The following CDC27 variants were observed in gnomAD, a reference collection of about 807,000 sequenced individuals.
The protein encoded by CDC27 is cell division cycle 27.
CDC27 carries 27 observed loss-of-function variants against 109.7 expected under a neutral mutation model. The observed-to-expected ratio is 0.25, with a 90% CI of 0.18 to 0.34. CDC27 has a LOEUF of 0.34. Among genes scored for constraint, CDC27 ranks in the 10% least tolerant of loss-of-function variants. The probability of loss-of-function intolerance (pLI) is 1.00; values close to 1 mark genes in which losing one functional copy is unlikely to be tolerated. For missense variants in CDC27, 579 were observed against 960.2 expected, an observed-to-expected ratio of 0.60 and a Z score of 5.25; for synonymous variants, 266 against 333.9, an observed-to-expected ratio of 0.80 and a Z score of 2.22.
At chr17:47,151,398 T>C (rs1223538497) in intron 9 of CDC27, among the ~76,000 whole-genome samples, 2 of 152,218 alleles carry the variant, frequency 1.3e-5, no homozygotes, top group African/African-American at 4.8e-5. Flanking sequence ...GAAAAGAAAA[T>C]CCTATCTAAC....
chr17:47,173,300 T>G (rs1469344290), intron 2 of CDC27, among the ~76,000 whole-genome samples: 1 of 151,304 alleles, frequency 6.6e-6, no homozygotes, highest in African/African-American at 2.4e-5. Context: ...TAAAAAATAA[T>G]AAATAGTAAA....
intron 9 of CDC27, among the ~76,000 whole-genome samples, chr17:47,147,267 C>T (rs921953719): frequency 2.6e-5 from 4 of 151,386 alleles, no homozygotes; most frequent in Admixed American, 6.6e-5. Context: ...GGCATGGTGG[C>T]GCGCGCCTGT....
intron 9 of CDC27, among the ~76,000 whole-genome samples, chr17:47,150,293 A>G (rs1047482291): frequency 6.6e-6 from 1 of 152,240 alleles, no homozygotes; most frequent in African/African-American, 2.4e-5. Flanking sequence ...TGAAGCCCTA[A>G]GCCCCAGTAC....
chr17:47,188,811 C>G, intron 1 of CDC27: 2 of 1,225,846 alleles, frequency 1.6e-6, no homozygotes, highest in Non-Finnish European at 2.1e-6. Flanking sequence ...CAAGAGAGCG[C>G]TTGGGGTGCA....
chr17:47,165,343 A>C (rs541554712), intron 4 of CDC27, among the ~76,000 whole-genome samples: 3 of 152,192 alleles, frequency 2.0e-5, no homozygotes, highest in Admixed American at 6.5e-5. Context: ...GCATCCTCTC[A>C]CCAGCACTTG....
chr17:47,181,498 A>C (rs923695466), intron 2 of CDC27, 64 bp downstream of exon 2: 7 of 887,934 alleles, frequency 7.9e-6, no homozygotes, highest in Non-Finnish European at 1.3e-5. Flanking sequence ...ACAGTGATAA[A>C]AAGTTATGGA....
intron 3 of CDC27, chr17:47,170,922 GAGAC>G (rs2063793810): frequency 6.6e-6 from 1 of 152,142 alleles, no homozygotes; most frequent in South Asian, 2.1e-4. Flanking sequence ...GCAACATAGT[GAGAC>G]CCCATCTATA....
At chr17:47,129,616 T>C (rs183712558) in intron 15 of CDC27, 95 bp from the exon 16 acceptor site, 3 of 806,318 alleles carry the variant, frequency 3.7e-6, no homozygotes, top group East Asian at 2.5e-5. Context: ...ATCAAATTAT[T>C]AGAGATAAGG....
At position 47,137,252 on chromosome 17, in the gene CDC27, T is replaced by C. The variant is rs1184254965; in HGVS notation, c.1813A>G (p.Thr605Ala). ...QVDPNYAYAY[T>A]LLGHEFVLTE... ...AAGACAAACTCATGCCCTAATAGAG[T>C]ATAGGCATAAGCGTAATTTGGATCA... Residue 605 changes from threonine (T) to alanine (A), a missense_variant, in exon 14 of 19, where the codon ACT becomes GCT. Coordinates refer to ENST00000066544, the MANE Select transcript of CDC27 (RefSeq NM_001256.6). 1 of 1,611,130 alleles carries C rather than the reference T, an allele frequency of 6.2e-7. No individual in the cohort carries two copies. Among genetic ancestry groups the C allele is most frequent in the Non-Finnish European group, 8.5e-7 (1 of 1,178,212 alleles).
intron 2 of CDC27, 55 bp downstream of exon 2, chr17:47,181,507 G>A: frequency 3.1e-6 from 3 of 960,630 alleles, no homozygotes; most frequent in Non-Finnish European, 4.9e-6. Flanking sequence ...AAAAGTTATG[G>A]AATTTCATAT....
At position 47,119,333 on chromosome 17, in the gene CDC27, C is replaced by G. The variant is rs2061936960; in HGVS notation, c.*1602G>C. ...CTCTGGCACCTGATACCTAAAGACC[C>G]TGACTTGAATTAATTTATAAATTGT... On this transcript the variant is annotated 3_prime_UTR_variant, in exon 19 of 19. Transcript: ENST00000066544. The G allele has an allele frequency of 6.6e-6, 1 of 152,060 alleles. No homozygotes were observed. Among genetic ancestry groups the G allele is most frequent in the African/African-American group, 2.4e-5 (1 of 41,422 alleles). 9.4% of individuals were successfully genotyped at this position (152,060 alleles called of 1,614,324 possible). A position where few individuals can be genotyped will look rare whatever the true frequency, so the allele number is the denominator to read the frequency against.
intron 8 of CDC27, among the ~76,000 whole-genome samples, chr17:47,153,874 G>A (rs890907564): frequency 6.6e-6 from 1 of 152,028 alleles, no homozygotes; most frequent in African/African-American, 2.4e-5. Flanking sequence ...CTTGAGCCCA[G>A]GAGTTTGAGA....
At chr17:47,132,201 C>T (rs2062365680) in intron 15 of CDC27, 56 bp downstream of exon 15, 2 of 835,628 alleles carry the variant, frequency 2.4e-6, no homozygotes, top group South Asian at 3.8e-5. Context: ...AAATCAATAA[C>T]AAACATATTT....
chr17:47,189,281 T>G lies in CDC27; in HGVS notation c.-109A>C, dbSNP rs1231627713. 18 of 853,362 alleles carry G rather than the reference T, an allele frequency of 2.1e-5. No individual in the cohort carries two copies. Among genetic ancestry groups the G allele is most frequent in the Admixed American group, 5.8e-5 (3 of 51,978 alleles). The allele number at this position is 853,362 out of a possible 1,614,324, so 52.9% of individuals were successfully genotyped here. A position where few individuals can be genotyped will look rare whatever the true frequency, so the allele number is the denominator to read the frequency against. ...CTCACCAGCGACCGTTACCGGGGGA[T>G]GGGGGAGGCCGAGCGATTGCCGAGT... On this transcript the variant is annotated 5_prime_UTR_variant, in exon 1 of 19. Coordinates refer to ENST00000066544, the MANE Select transcript of CDC27 (RefSeq NM_001256.6).
chr17:47,151,493 GGGGAA>G (rs1253381017), intron 9 of CDC27, among the ~76,000 whole-genome samples: 5 of 152,158 alleles, frequency 3.3e-5, no homozygotes, highest in Non-Finnish European at 7.3e-5. Flanking sequence ...TGCATAATGT[GGGGAA>G]GGGGAGTATG....
At chr17:47,188,801 C>A in intron 1 of CDC27, 1 of 1,195,226 alleles carries the variant, frequency 8.4e-7, no homozygotes, top group East Asian at 4.1e-5. Flanking sequence ...ATCTTTTAGG[C>A]AAGAGAGCGC....
intron 12 of CDC27, among the ~76,000 whole-genome samples, chr17:47,141,399 C>A (rs1204005269): frequency 6.6e-6 from 1 of 151,964 alleles, no homozygotes; most frequent in Non-Finnish European, 1.5e-5. Context: ...TAATTAAAAT[C>A]CAAAGAGTAA....
intron 14 of CDC27, among the ~76,000 whole-genome samples, chr17:47,132,857 C>G (rs2062395176): frequency 6.9e-6 from 1 of 144,202 alleles, no homozygotes; most frequent in Non-Finnish European, 1.5e-5. Flanking sequence ...GCAGCCTTGA[C>G]CTCCCAGGCT....
chr17:47,133,020 TATATATATACACAC>T (rs1369631885), intron 14 of CDC27, among the ~76,000 whole-genome samples: 1 of 46,050 alleles, frequency 2.2e-5, no homozygotes, highest in South Asian at 7.5e-4. Flanking sequence ...TATATATATA[TATATATATACACAC>T]ACACACACAC....
Sources: gnomAD v4.1 joint callset for allele counts (sites outside exome capture counted in the v4.1 genomes callset) on GRCh38, gnomAD v4.1.1 for gene constraint, MANE v1.5 for transcripts, NCBI Gene and HGNC (gene_info 2026-07-23, HGNC 2026-07-21) for gene names.